AP3B2: variants seen among roughly 807,000 people sequenced by gnomAD.
AP3B2 encodes the protein AP-3 complex subunit beta-2.
In AP3B2, 50 loss-of-function variants were observed where a neutral mutation model predicts 126.9. The ratio of observed to expected loss-of-function variants is 0.39; its 90% confidence interval spans 0.31 to 0.50. The LOEUF is 0.50. Ranked by LOEUF, AP3B2 falls within the 20% of genes least tolerant of loss-of-function variation. The pLI is 0.79. For missense variants in AP3B2, 1,177 were observed against 1,426.4 expected (o/e 0.83, Z 2.82); for synonymous variants, 541 against 565.0 (o/e 0.96, Z 0.60).
At position 82,664,986 on chromosome 15, in the gene AP3B2, G is replaced by T; in HGVS notation, c.2029-43C>A. ...GTGCAGGGTCATTTCATCATGGTTG[G>T]GGAGAAGGCAGGCAGGCACAAGCCC... On this transcript the variant is annotated intron_variant, in intron 17 of 26. Transcript: ENST00000535359. This position sits in a 1 kb window ranked among gnomAD's most constrained non-coding sequence, Gnocchi z 4.5. 6.8e-7 allele frequency: 1 copy of T among 1,462,118 alleles called. No homozygotes were observed. The highest frequency in any genetic ancestry group is 1.2e-5 in the South Asian group (1 of 83,442). The allele number at this position is 1,462,118 out of a possible 1,614,324, so 90.6% of individuals were successfully genotyped here.
intron 4 of AP3B2, among the ~76,000 whole-genome samples, chr15:82,684,362 TACTTA>T (rs1379223483): frequency 6.6e-6 from 1 of 152,212 alleles, no homozygotes; most frequent in Admixed American, 6.5e-5. Context: ...ATGGCTTCTG[TACTTA>T]AACTTCATGA....
At chr15:82,663,700 T>A (rs895918780) in intron 20 of AP3B2, 80 bp from the exon 21 acceptor site, 1 of 1,609,302 alleles carries the variant, frequency 6.2e-7, no homozygotes, top group Admixed American at 1.7e-5. Context: ...GATGTCATGT[T>A]CTGTTCTGGA....
rs2048315951 is a variant in AP3B2 at position 82,680,406 on chromosome 15, G to A, written c.1055+66C>T. On this transcript the variant is annotated intron_variant, in intron 8 of 26. Coordinates refer to ENST00000535359, the MANE Select transcript of AP3B2 (RefSeq NM_001278512.2). This position sits in a 1 kb window ranked among gnomAD's most constrained non-coding sequence, Gnocchi z 6.1. ...AGCGGCTGGTGGGCGTGAGGGGGCG[G>A]AGCCGGGCAGCCCGTGGGGCGGGGC... 1 of 1,447,346 alleles carries A rather than the reference G, an allele frequency of 6.9e-7. No individual in the cohort carries two copies. Among genetic ancestry groups the A allele is most frequent in the African/African-American group, 1.4e-5 (1 of 70,034 alleles). The allele number at this position is 1,447,346 out of a possible 1,614,324, so 89.7% of individuals were successfully genotyped here.
chr15:82,665,394 C>CTTCA lies in AP3B2; in HGVS notation c.1971+62_1971+63insTGAA. 3.9e-6 allele frequency: 1 copy of CTTCA among 254,138 alleles called. No homozygotes were observed. The highest frequency in any genetic ancestry group is 9.2e-4 in the Middle Eastern group (1 of 1,092). 15.7% of individuals were successfully genotyped at this position (254,138 alleles called of 1,614,324 possible). A position where few individuals can be genotyped will look rare whatever the true frequency, so the allele number is the denominator to read the frequency against. On this transcript the variant is annotated intron_variant, in intron 16 of 26. Transcript: ENST00000535359. The surrounding 1 kb of genome is among the most constrained non-coding windows in gnomAD (Gnocchi z 4.4). ...CCCCACCAACACACACACACACACA[C>CTTCA]ACACACACACACACACACACACACA...
At chr15:82,675,260 G>A (rs1272766974) in intron 14 of AP3B2, among the ~76,000 whole-genome samples, 1 of 152,126 alleles carries the variant, frequency 6.6e-6, no homozygotes, top group African/African-American at 2.4e-5. Context: ...AAGACCTAAG[G>A]TTTGGAAGTT....
rs1183541704 is a variant in AP3B2 at position 82,659,721 on chromosome 15, A to T, written c.3156-11T>A. 3 of 1,613,658 alleles carry T rather than the reference A, an allele frequency of 1.9e-6. No individual in the cohort carries two copies. Among genetic ancestry groups the T allele is most frequent in the East Asian group, 2.2e-5 (1 of 44,864 alleles). ...GTCCTCCCTGCAAACCTGAGGTGGG[A>T]ATAGAAGGGGTGAGGAAGAGCTGCT... On this transcript the variant is annotated splice_polypyrimidine_tract_variant and intron_variant, in intron 26 of 26. Transcript: ENST00000535359.
At chr15:82,677,930 A>G in intron 11 of AP3B2, 127 bp from the exon 12 acceptor site, 3 of 1,336,730 alleles carry the variant, frequency 2.2e-6, no homozygotes, top group Non-Finnish European at 3.0e-6. Context: ...GGGGGTGACA[A>G]CTCCACCCCC....
intron 25 of AP3B2, among the ~76,000 whole-genome samples, chr15:82,661,311 T>G (rs1199912451): frequency 6.6e-6 from 1 of 152,162 alleles, no homozygotes; most frequent in Non-Finnish European, 1.5e-5. Flanking sequence ...ATTTCCCAAA[T>G]GCATTTCAAA....
rs755487362 is a variant in AP3B2, at chr15:82,681,952, C to T, written c.361-372G>A. The stretch of plus-strand genomic sequence containing the variant: ...AGCAGATGCAAGCTGGTCTCCCTTC[C>T]GGAGTTCAACCTTACACTCCTTTCT... On this transcript the variant is annotated intron_variant, in intron 4 of 26. Coordinates refer to ENST00000535359, the MANE Select transcript of AP3B2 (RefSeq NM_001278512.2). This position sits in a 1 kb window ranked among gnomAD's most constrained non-coding sequence, Gnocchi z 4.0. 1.3e-5 allele frequency among the ~76,000 whole-genome samples: 2 copies of T among 151,820 alleles called. No homozygotes were observed. Among genetic ancestry groups the T allele is most frequent in the Non-Finnish European group, 2.9e-5 (2 of 68,002 alleles).
At chr15:82,694,386 C>A (rs2048600934) in intron 1 of AP3B2, among the ~76,000 whole-genome samples, 1 of 151,970 alleles carries the variant, frequency 6.6e-6, no homozygotes, top group Middle Eastern at 3.4e-3. Context: ...CCTAGAACCA[C>A]CATAACAAAG....
intron 14 of AP3B2, among the ~76,000 whole-genome samples, chr15:82,674,809 T>A (rs1311681179): frequency 6.6e-6 from 1 of 151,868 alleles, no homozygotes; most frequent in Non-Finnish European, 1.5e-5. Flanking sequence ...TTTAGGACTC[T>A]GGCTCAGTGC....
intron 1 of AP3B2, among the ~76,000 whole-genome samples, chr15:82,691,449 G>A (rs912023736): frequency 6.6e-6 from 1 of 152,130 alleles, no homozygotes; most frequent in Non-Finnish European, 1.5e-5. Flanking sequence ...CTCCATAGCA[G>A]AGCAACCCAC....
At chr15:82,683,140 G>A (rs1447747020) in intron 4 of AP3B2, among the ~76,000 whole-genome samples, 1 of 131,788 alleles carries the variant, frequency 7.6e-6, no homozygotes, top group Non-Finnish European at 1.5e-5. Context: ...GTCACTGCAA[G>A]CTCCACCTCC....
At position 82,680,536 on chromosome 15, in the gene AP3B2, G is replaced by A. The variant is rs1241525410; in HGVS notation, c.991C>T (p.Leu331=). The A allele has an allele frequency of 1.3e-6, 2 of 1,554,054 alleles. No individual in the cohort carries two copies. Among genetic ancestry groups the A allele is most frequent in the African/African-American group, 2.7e-5 (2 of 73,708 alleles). The change falls in exon 8 of 27, where the codon CTG becomes TTG. Residue 331 remains leucine (L), a synonymous_variant. Transcript: ENST00000535359. The surrounding 1 kb of genome is among the most constrained non-coding windows in gnomAD (Gnocchi z 6.1). ...ACGCCCACTTCCGCCTTGGGCGCCA[G>A]GTGGAAGTAGAGCTGCGCCACCGCC... ...VMAVAQLYFH[L]APKAEVGVIA...
Position 82,662,799 on chromosome 15 carries a change from CGGACACCATGTGG to C in AP3B2, c.2715_2727del (p.His906CysfsTer47). 1 of 1,613,752 alleles carries C rather than the reference CGGACACCATGTGG, an allele frequency of 6.2e-7. No individual in the cohort carries two copies. Among genetic ancestry groups the C allele is most frequent in the Non-Finnish European group, 8.5e-7 (1 of 1,179,798 alleles). ...GAGCTGTTGGAGAAGTGGATGTGCA[CGGACACCATGTGG>C]GGATCCCCGGAGAAAGGTTGGCGGC... On this transcript the variant is annotated frameshift_variant, in exon 23 of 27. Transcript: ENST00000535359. LOFTEE classifies it high-confidence loss of function.
At chr15:82,701,733 T>C (rs1246954513) in intron 1 of AP3B2, among the ~76,000 whole-genome samples, 2 of 152,240 alleles carry the variant, frequency 1.3e-5, no homozygotes, top group Non-Finnish European at 1.5e-5. Flanking sequence ...GATATACATG[T>C]GTTCATTGTA....
chr15:82,701,298 C>A (rs1463145236), intron 1 of AP3B2, among the ~76,000 whole-genome samples: 1 of 152,180 alleles, frequency 6.6e-6, no homozygotes, highest in Non-Finnish European at 1.5e-5. Flanking sequence ...TACTTCCTTT[C>A]TTCCCTTCAG....
chr15:82,665,518 C>T lies in AP3B2; in HGVS notation c.1910G>A (p.Gly637Asp). 1 of 1,613,914 alleles carries T rather than the reference C, an allele frequency of 6.2e-7. No individual in the cohort carries two copies. The highest frequency in any genetic ancestry group is 8.5e-7 in the Non-Finnish European group (1 of 1,179,884). Residue 637 changes from glycine to aspartate, a missense_variant, in exon 16 of 27, where the codon GGC becomes GAC. Physicochemically the swap from Gly to Asp is moderately conservative, Grantham distance 94. Coordinates refer to ENST00000535359, the MANE Select transcript of AP3B2 (RefSeq NM_001278512.2). The surrounding 1 kb of genome is among the most constrained non-coding windows in gnomAD (Gnocchi z 4.4). ...LSHLLNAKATGYQELPDWPEE... is the reference protein window; with the variant it reads ...LSHLLNAKATDYQELPDWPEE... ...CGGCCAGTCTGGGAGCTCCTGGTAG[C>T]CTGTGGCCTTGGCATTAAGCAGGTG...
At chr15:82,662,136 C>A (rs1357738059) in intron 24 of AP3B2, 32 bp downstream of exon 24, 42 of 1,562,198 alleles carry the variant, frequency 2.7e-5, no homozygotes, top group Non-Finnish European at 3.6e-5. Flanking sequence ...TCCAGCCCAT[C>A]CTCTCACCCC....
Sources: allele counts gnomAD v4.1 joint callset (sites outside exome capture counted in the v4.1 genomes callset), GRCh38; gene constraint gnomAD v4.1.1; non-coding constraint Gnocchi (gnomAD v3.1); transcripts MANE v1.5; gene names NCBI Gene and HGNC (gene_info 2026-07-23, HGNC 2026-07-21).